Variants in MTUS2 observed in about 807,000 individuals in gnomAD.
The protein encoded by MTUS2 is microtubule-associated tumor suppressor candidate 2.
In MTUS2, 40 loss-of-function variants were observed where a neutral mutation model predicts 114.1. That is an observed-to-expected ratio of 0.35 (90% CI 0.27 to 0.46). The LOEUF (loss-of-function observed/expected upper bound fraction) is 0.46. Among genes scored for constraint, MTUS2 ranks in the 20% least tolerant of loss-of-function variants. The pLI, the probability that MTUS2 is intolerant of heterozygous loss-of-function variation, is 1.00. For missense variants in MTUS2, 1,679 were observed against 1,705.4 expected, an observed-to-expected ratio of 0.98 and a Z score of 0.27; for synonymous variants, 688 against 672.0, an observed-to-expected ratio of 1.02 and a Z score of -0.37.
intron 2 of MTUS2, among the ~76,000 whole-genome samples, chr13:29,001,223 T>A (rs1234031430): frequency 6.6e-6 from 1 of 151,998 alleles, no homozygotes; most frequent in Non-Finnish European, 1.5e-5. Context: ...AAGAGAGGAG[T>A]GATATGATCT....
rs2138485460 is a variant in MTUS2 at position 29,025,954 on chromosome 13, G to C, written c.1256G>C (p.Gly419Ala). 1 of 1,614,050 alleles carries C rather than the reference G, an allele frequency of 6.2e-7. No homozygotes were observed. Among genetic ancestry groups the C allele is most frequent in the Non-Finnish European group, 8.5e-7 (1 of 1,179,888 alleles). ...ACTGGCAAAATTTCACCATGTGCAG[G>C]TGAGAAGTTGGGTGAAAGGACATCC... The part of the protein sequence containing the change: ...QPTGKISPCA[G>A]EKLGERTSSS... The change falls in exon 3 of 16, where the codon GGT becomes GCT. Residue 419 changes from glycine to alanine, a missense_variant. Gly to Ala is a moderately conservative substitution (Grantham distance 60). Coordinates refer to ENST00000612955, the MANE Select transcript of MTUS2 (RefSeq NM_001033602.4).
At chr13:29,272,202 A>T (rs756947172) in intron 5 of MTUS2, among the ~76,000 whole-genome samples, 5 of 152,228 alleles carry the variant, frequency 3.3e-5, no homozygotes, top group Admixed American at 6.5e-5. Context: ...TAATTAAACT[A>T]AATATTATCA....
chr13:28,861,673 A>G (rs1413746710), intron 2 of MTUS2, among the ~76,000 whole-genome samples: 1 of 152,156 alleles, frequency 6.6e-6, no homozygotes, highest in Non-Finnish European at 1.5e-5. Context: ...CCGAGCCTAC[A>G]ACAGTGCCTG....
At chr13:29,268,341 G>A (rs1368412778) in intron 5 of MTUS2, among the ~76,000 whole-genome samples, 1 of 152,234 alleles carries the variant, frequency 6.6e-6, no homozygotes, top group Non-Finnish European at 1.5e-5. Context: ...GCTCAGCTCA[G>A]TTTTAGGAGG....
At chr13:29,049,616 C>T (rs535838150) in intron 4 of MTUS2, among the ~76,000 whole-genome samples, 38 of 152,302 alleles carry the variant, frequency 2.5e-4, no homozygotes, top group African/African-American at 8.4e-4. Context: ...CAGAAAACAC[C>T]TAAAGAGGAT....
intron 2 of MTUS2, among the ~76,000 whole-genome samples, chr13:28,964,497 T>C (rs1883485301): frequency 6.6e-6 from 1 of 152,052 alleles, no homozygotes; most frequent in Non-Finnish European, 1.5e-5. Context: ...AACCGGCCAG[T>C]CTTGTCTTGT....
intron 5 of MTUS2, among the ~76,000 whole-genome samples, chr13:29,142,034 G>A (rs538236461): frequency 1.3e-5 from 2 of 151,712 alleles, no homozygotes; most frequent in Non-Finnish European, 2.9e-5. Context: ...TAATTTTTTT[G>A]TATTTTTAGT....
At chr13:29,216,996 A>G (rs1324371514) in intron 5 of MTUS2, among the ~76,000 whole-genome samples, 1 of 152,180 alleles carries the variant, frequency 6.6e-6, no homozygotes, top group Non-Finnish European at 1.5e-5. Flanking sequence ...AAGTACTACA[A>G]GCATCCATGT....
At chr13:28,969,112 T>G (rs9551579) in intron 2 of MTUS2, among the ~76,000 whole-genome samples, 92,821 of 151,862 alleles carry the variant, frequency 0.61, 28,688 homozygotes, top group East Asian at 0.7. Flanking sequence ...CATGATCATG[T>G]CACACTGCAT....
At chr13:29,418,749 A>C (rs976826463) in intron 8 of MTUS2, among the ~76,000 whole-genome samples, 1 of 152,108 alleles carries the variant, frequency 6.6e-6, no homozygotes, top group African/African-American at 2.4e-5. Flanking sequence ...AAGATGTTGG[A>C]GCTCCCTTCA....
At chr13:29,354,384 G>A (rs1158915163) in intron 7 of MTUS2, among the ~76,000 whole-genome samples, 1 of 151,630 alleles carries the variant, frequency 6.6e-6, no homozygotes, top group Non-Finnish European at 1.5e-5. Context: ...TTCACCCTTG[G>A]AGAAAAAAGG....
intron 2 of MTUS2, among the ~76,000 whole-genome samples, chr13:29,012,028 C>T (rs1885866544): frequency 1.3e-5 from 2 of 152,158 alleles, no homozygotes; most frequent in African/African-American, 2.4e-5. Context: ...TCACTTCACT[C>T]CTGATGATGT....
intron 4 of MTUS2, among the ~76,000 whole-genome samples, chr13:29,039,017 A>T (rs1887216587): frequency 6.6e-6 from 1 of 152,166 alleles, no homozygotes; most frequent in Non-Finnish European, 1.5e-5. Flanking sequence ...GGCTGTTGGG[A>T]AAGCGCCTCC....
intron 7 of MTUS2, among the ~76,000 whole-genome samples, chr13:29,344,188 T>C (rs1021404275): frequency 3.9e-5 from 6 of 152,072 alleles, no homozygotes; most frequent in Admixed American, 1.3e-4. Flanking sequence ...ATAGTGTAAG[T>C]CCATTGTGCC....
chr13:29,369,908 T>A (rs1219520493), intron 8 of MTUS2, among the ~76,000 whole-genome samples: 1 of 152,192 alleles, frequency 6.6e-6, no homozygotes, highest in Non-Finnish European at 1.5e-5. Flanking sequence ...CTGTATTTAT[T>A]TTAAAAGCAT....
At chr13:29,279,814 A>G (rs890108165) in intron 5 of MTUS2, among the ~76,000 whole-genome samples, 3 of 152,238 alleles carry the variant, frequency 2.0e-5, no homozygotes, top group Non-Finnish European at 2.9e-5. Flanking sequence ...AATAAATTTC[A>G]TGTAAGAGAA....
At chr13:28,963,642 C>G (rs9508201) in intron 2 of MTUS2, among the ~76,000 whole-genome samples, 33,705 of 152,134 alleles carry the variant, frequency 0.22, 4,100 homozygotes, top group Non-Finnish European at 0.26. Context: ...CCACTTCTTT[C>G]ATCCATTTCA....
intron 2 of MTUS2, among the ~76,000 whole-genome samples, chr13:28,900,504 C>G (rs1444677817): frequency 1.3e-5 from 2 of 152,198 alleles, no homozygotes; most frequent in Non-Finnish European, 2.9e-5. Context: ...TTTTTATAAT[C>G]TTGTCATTTG....
intron 9 of MTUS2, among the ~76,000 whole-genome samples, chr13:29,452,235 C>T (rs1217500042): frequency 6.6e-6 from 1 of 152,170 alleles, no homozygotes; most frequent in Non-Finnish European, 1.5e-5. Context: ...AACTGCTACA[C>T]TTTGAGAAAA....
Sources: gnomAD v4.1 joint callset for allele counts (sites outside exome capture counted in the v4.1 genomes callset) on GRCh38, gnomAD v4.1.1 for gene constraint, MANE v1.5 for transcripts, NCBI Gene and HGNC (gene_info 2026-07-23, HGNC 2026-07-21) for gene names.